The following PPP2R2C variants were observed in gnomAD, a reference collection of about 807,000 sequenced individuals.
PPP2R2C encodes protein phosphatase 2, regulatory subunit B, gamma.
Under a neutral mutation model 45.3 loss-of-function variants are expected in PPP2R2C, and 10 were observed. The ratio of observed to expected loss-of-function variants is 0.22; its 90% CI spans 0.14 to 0.37. The LOEUF (loss-of-function observed/expected upper bound fraction) is 0.37. PPP2R2C is among the 10% of genes least tolerant of loss of function. The pLI, the probability that PPP2R2C is intolerant of heterozygous loss-of-function variation, is 1.00. For synonymous variants in PPP2R2C, 257 were observed against 245.4 expected (o/e 1.05, Z -0.44); for missense variants, 308 against 619.7 (o/e 0.50, Z 5.34).
At chr4:6,325,629 CCT>C (rs1158988584) in intron 8 of PPP2R2C, among the ~76,000 whole-genome samples, 1 of 152,310 alleles carries the variant, frequency 6.6e-6, no homozygotes, top group East Asian at 1.9e-4. Flanking sequence ...TGATCCTCCC[CCT>C]GTTCGGGTGT....
chr4:6,477,855 G>C (rs77376903), intron 2 of PPP2R2C, among the ~76,000 whole-genome samples: 6,493 of 151,498 alleles, frequency 0.043, 479 homozygotes, highest in African/African-American at 0.15. Flanking sequence ...CAGCCCTGTC[G>C]ACATGCACTC....
intron 1 of PPP2R2C, among the ~76,000 whole-genome samples, chr4:6,425,398 C>G (rs1719230509): frequency 6.6e-6 from 1 of 152,226 alleles, no homozygotes; most frequent in African/African-American, 2.4e-5. Flanking sequence ...ACTGCAGAGT[C>G]AACACCTGAA....
In PPP2R2C at chr4:6,383,594, C is replaced by T. The variant is rs1317961311; in HGVS notation, c.71-2500G>A. On this transcript the variant is annotated intron_variant, in intron 1 of 8. Coordinates refer to ENST00000382599, the MANE Select transcript of PPP2R2C (RefSeq NM_020416.4). ...CAATTCTGCCCCACTGCTGCCTTCCCGTGAGCACAGCTTGGATCACCTTGC... is the reference window on the plus strand; with the variant it reads ...CAATTCTGCCCCACTGCTGCCTTCCTGTGAGCACAGCTTGGATCACCTTGC... 11 of 542,364 alleles carry T rather than the reference C, an allele frequency of 2.0e-5. No homozygotes were observed. In the East Asian group the frequency reaches 2.1e-4, roughly 11 times the overall value. 33.6% of individuals were successfully genotyped at this position (542,364 alleles called of 1,614,324 possible).
rs114039014 is a variant in PPP2R2C at position 6,332,089 on chromosome 4, C to G, written c.960+1473G>C. On this transcript the variant is annotated intron_variant, in intron 7 of 8. Transcript: ENST00000382599. This position sits in a 1 kb window ranked among gnomAD's most constrained non-coding sequence, Gnocchi z 4.9. Reference sequence around the variant, plus strand: ...CATGAGAATTTCAGAAAGCTGTGTCCCCCTCCCCCTGAAAATGCTCATAGA... The same window carrying G: ...CATGAGAATTTCAGAAAGCTGTGTCGCCCTCCCCCTGAAAATGCTCATAGA... Among the ~76,000 whole-genome samples the G allele has an allele frequency of 6.6e-6, 1 of 152,166 alleles. No individual in the cohort carries two copies. Among genetic ancestry groups the G allele is most frequent in the Non-Finnish European group, 1.5e-5 (1 of 68,032 alleles).
chr4:6,379,908 G>C (rs1295643677), intron 2 of PPP2R2C: 3 of 152,010 alleles, frequency 2.0e-5, no homozygotes, highest in Non-Finnish European at 4.4e-5. Flanking sequence ...AGTGAATCGG[G>C]GGAAAGATGA....
chr4:6,335,648 G>C (rs1045443320), intron 6 of PPP2R2C, among the ~76,000 whole-genome samples: 7 of 152,028 alleles, frequency 4.6e-5, no homozygotes, highest in African/African-American at 1.7e-4. Context: ...CCTCCCGACG[G>C]AGGAAGGAAG....
At chr4:6,350,626 A>G in intron 5 of PPP2R2C, 1 of 984,676 alleles carries the variant, frequency 1.0e-6, no homozygotes, top group Non-Finnish European at 1.2e-6. Context: ...ATGAAGTCAA[A>G]TGCTGACACC....
At chr4:6,334,770 G>A (rs564645143) in intron 6 of PPP2R2C, among the ~76,000 whole-genome samples, 46 of 152,246 alleles carry the variant, frequency 3.0e-4, no homozygotes, top group East Asian at 1.2e-3. Flanking sequence ...CATGGAAACC[G>A]GCTGAGTGGC....
chr4:6,496,081 A>T (rs1041711755), intron 2 of PPP2R2C, among the ~76,000 whole-genome samples: 8 of 152,126 alleles, frequency 5.3e-5, no homozygotes, highest in African/African-American at 1.9e-4. Context: ...TCTTATGAGA[A>T]CACCAGTCAT....
chr4:6,514,362 C>T (rs1022290628), intron 2 of PPP2R2C, among the ~76,000 whole-genome samples: 1 of 152,152 alleles, frequency 6.6e-6, no homozygotes, highest in African/African-American at 2.4e-5. Context: ...GTACATCTAT[C>T]CCCCTTTAAC....
At chr4:6,416,760 T>A (rs1243137278) in intron 1 of PPP2R2C, among the ~76,000 whole-genome samples, 1 of 152,172 alleles carries the variant, frequency 6.6e-6, no homozygotes, top group Non-Finnish European at 1.5e-5. Context: ...TCGGGAACCC[T>A]GCAGGAGGGC....
chr4:6,548,095 G>A (rs540947657), intron 1 of PPP2R2C, among the ~76,000 whole-genome samples: 2 of 152,282 alleles, frequency 1.3e-5, no homozygotes, highest in South Asian at 4.1e-4. Context: ...GTGGGCACCT[G>A]TAATCCCAGC....
At chr4:6,475,570 T>C (rs1397640059), upstream of PPP2R2C, among the ~76,000 whole-genome samples, 1 of 152,228 alleles carries the variant, frequency 6.6e-6, no homozygotes, top group Non-Finnish European at 1.5e-5. Flanking sequence ...ATGACTTTCC[T>C]GTTCCTGGAA....
intron 2 of PPP2R2C, among the ~76,000 whole-genome samples, chr4:6,488,471 C>T (rs1186681027): frequency 6.6e-6 from 1 of 152,030 alleles, no homozygotes; most frequent in Non-Finnish European, 1.5e-5. Context: ...ATCACTTGAG[C>T]CCAGGAGTTC....
chr4:6,406,861 T>C (rs1305445954), intron 1 of PPP2R2C, among the ~76,000 whole-genome samples: 1 of 152,226 alleles, frequency 6.6e-6, no homozygotes, highest in East Asian at 1.9e-4. Flanking sequence ...AAAAAGGGTC[T>C]TTGAAGACAT....
chr4:6,512,670 G>GGTGGTA (rs1382282634), intron 2 of PPP2R2C, among the ~76,000 whole-genome samples: 3 of 149,126 alleles, frequency 2.0e-5, no homozygotes, highest in African/African-American at 7.4e-5. Flanking sequence ...TGGTGGTGGT[G>GGTGGTA]GTGGTGGTGA....
chr4:6,323,444 C>G lies in PPP2R2C; in HGVS notation c.1202G>C (p.Arg401Pro). ...CAAGCTGTCCACACTGATGTCATCACGCCGGCGCTTGCCCCCCACGCACAC... is the reference window on the plus strand; with the variant it reads ...CAAGCTGTCCACACTGATGTCATCAGGCCGGCGCTTGCCCCCCACGCACAC... ...RRVCVGGKRR[R>P]DDISVDSLDF... The change falls in exon 9 of 9, where the codon CGT becomes CCT. Residue 401 changes from arginine to proline, a missense_variant. Coordinates refer to ENST00000382599, the MANE Select transcript of PPP2R2C (RefSeq NM_020416.4). 2.5e-6 allele frequency: 4 copies of G among 1,613,512 alleles called. No homozygotes were observed. The highest frequency in any genetic ancestry group is 1.3e-5 in the African/African-American group (1 of 75,062).
intron 2 of PPP2R2C, among the ~76,000 whole-genome samples, chr4:6,520,254 G>A (rs755162110): frequency 1.4e-4 from 22 of 152,122 alleles, no homozygotes; most frequent in Admixed American, 6.5e-4. Context: ...GCACGGAGTG[G>A]ACACTCAGCA....
intron 2 of PPP2R2C, among the ~76,000 whole-genome samples, chr4:6,528,027 G>A (rs1406441051): frequency 1.3e-5 from 2 of 152,266 alleles, no homozygotes; most frequent in African/African-American, 4.8e-5. Flanking sequence ...ATAAGACGAT[G>A]AAGAATCTCA....
Sources: gnomAD v4.1 joint callset for allele counts (sites outside exome capture counted in the v4.1 genomes callset) on GRCh38, gnomAD v4.1.1 for gene constraint, Gnocchi (gnomAD v3.1) non-coding constraint, MANE v1.5 for transcripts, NCBI Gene and HGNC (gene_info 2026-07-23, HGNC 2026-07-21) for gene names.